Variants in ZBTB20 observed in about 807,000 individuals in gnomAD.
ZBTB20 encodes the protein zinc finger and BTB domain containing 20, also known as zinc finger and BTB domain-containing protein 20.
Under a neutral mutation model 56.9 loss-of-function variants are expected in ZBTB20, and 9 were observed. The observed-to-expected ratio is 0.16, with a 90% CI of 0.10 to 0.28. The LOEUF (loss-of-function observed/expected upper bound fraction) is 0.28. Ranked by LOEUF, ZBTB20 falls within the 10% of genes least tolerant of loss-of-function variation. The pLI is 1.00. For synonymous variants in ZBTB20, 417 were observed against 420.7 expected (o/e 0.99, Z 0.11); for missense variants, 655 against 1,003.0 (o/e 0.65, Z 4.69).
In ZBTB20 at chr3:114,320,280, C is replaced by T. The variant is rs1473450279; in HGVS notation, c.*18725G>A. 1 of 151,852 alleles carries T rather than the reference C, an allele frequency of 6.6e-6. No individual in the cohort carries two copies. The highest frequency in any genetic ancestry group is 1.5e-5 in the Non-Finnish European group (1 of 67,994). 9.4% of individuals were successfully genotyped at this position (151,852 alleles called of 1,614,324 possible). A position where few individuals can be genotyped will look rare whatever the true frequency, so the allele number is the denominator to read the frequency against. ...TTTGTTTTGTTTCTGATTTTTTAAACAGTGAAATATGTCCAATTTTATTTC... is the reference window on the plus strand; with the variant it reads ...TTTGTTTTGTTTCTGATTTTTTAAATAGTGAAATATGTCCAATTTTATTTC... On this transcript the variant is annotated 3_prime_UTR_variant, in exon 12 of 12. Transcript: ENST00000675478.
chr3:114,823,370 A>G (rs1241629788), intron 4 of ZBTB20, among the ~76,000 whole-genome samples: 1 of 152,114 alleles, frequency 6.6e-6, no homozygotes, highest in Non-Finnish European at 1.5e-5. Context: ...AAAGGACTTC[A>G]GCATTATCAT....
chr3:114,433,630 T>C (rs1296542653), intron 7 of ZBTB20, among the ~76,000 whole-genome samples: 1 of 152,190 alleles, frequency 6.6e-6, no homozygotes, highest in Admixed American at 6.5e-5. Context: ...TGATGGCACA[T>C]TCTAGGTGTT....
intron 2 of ZBTB20, among the ~76,000 whole-genome samples, chr3:115,001,374 T>C (rs1387782480): frequency 6.6e-6 from 1 of 151,376 alleles, no homozygotes; most frequent in Non-Finnish European, 1.5e-5. Context: ...TTAATACACA[T>C]TCCAGAATAA....
At chr3:114,839,459 GAA>G (rs1236078125) in intron 4 of ZBTB20, among the ~76,000 whole-genome samples, 44 of 151,160 alleles carry the variant, frequency 2.9e-4, no homozygotes, top group African/African-American at 9.5e-4. Flanking sequence ...AAGAAAGAAA[GAA>G]AGAAAGAGAG....
intron 6 of ZBTB20, among the ~76,000 whole-genome samples, chr3:114,677,522 G>A (rs1316024995): frequency 6.6e-6 from 1 of 152,136 alleles, no homozygotes; most frequent in African/African-American, 2.4e-5. Context: ...AGAATCTAAT[G>A]CCTGATGATC....
In ZBTB20 at chr3:114,401,582, A is replaced by G. The variant is rs548337251; in HGVS notation, c.-254-12477T>C. Among the ~76,000 whole-genome samples the G allele has an allele frequency of 1.3e-5, 2 of 152,290 alleles. 1 individual carries two copies. Among genetic ancestry groups the G allele is most frequent in the South Asian group, 4.1e-4 (2 of 4,828 alleles). On this transcript the variant is annotated intron_variant, in intron 7 of 11. Transcript: ENST00000675478. ...ACATGGCTGCAGTGTTCCACCATGC[A>G]GACTATGTAATGTCAGGCACTTTTG...
rs2079249069 is a variant in ZBTB20 at position 114,331,385 on chromosome 3, T to G, written c.*7620A>C. 6.6e-6 allele frequency: 1 copy of G among 152,258 alleles called. No individual in the cohort carries two copies. The highest frequency in any genetic ancestry group is 2.1e-4 in the South Asian group (1 of 4,824). 9.4% of individuals were successfully genotyped at this position (152,258 alleles called of 1,614,324 possible). On this transcript the variant is annotated 3_prime_UTR_variant, in exon 12 of 12. Coordinates refer to ENST00000675478, the MANE Select transcript of ZBTB20 (RefSeq NM_001348800.3). ...TGCTGTGGATTCAACAAGCTGCATT[T>G]GTTTCTCCCAATTCTGAAACATTAC...
intron 4 of ZBTB20, among the ~76,000 whole-genome samples, chr3:114,821,987 C>T (rs957689212): frequency 4.6e-5 from 7 of 151,888 alleles, no homozygotes; most frequent in African/African-American, 1.7e-4. Context: ...AAAAGTAAAA[C>T]TGGGGCTATT....
chr3:115,017,194 T>C (rs961902968), intron 2 of ZBTB20, among the ~76,000 whole-genome samples: 13 of 151,406 alleles, frequency 8.6e-5, no homozygotes, highest in Admixed American at 7.9e-4. Flanking sequence ...TCAGGATACA[T>C]AATCAATGTG....
chr3:114,511,812 A>T (rs553470635), intron 6 of ZBTB20, among the ~76,000 whole-genome samples: 1 of 152,180 alleles, frequency 6.6e-6, no homozygotes, highest in East Asian at 1.9e-4. Flanking sequence ...GGGTAAATTG[A>T]TGGATAAAAC....
At chr3:115,003,956 A>G (rs1163408657) in intron 2 of ZBTB20, among the ~76,000 whole-genome samples, 2 of 151,712 alleles carry the variant, frequency 1.3e-5, no homozygotes, top group East Asian at 1.9e-4. Context: ...TTGTCAGAAC[A>G]AAAGGATTCA....
intron 4 of ZBTB20, among the ~76,000 whole-genome samples, chr3:114,851,679 AT>A (rs1280051524): frequency 1.3e-5 from 2 of 151,666 alleles, no homozygotes; most frequent in African/African-American, 4.8e-5. Context: ...TTCTGACTTT[AT>A]TTTTTTAATC....
intron 11 of ZBTB20, among the ~76,000 whole-genome samples, chr3:114,349,877 C>T (rs952694017): frequency 5.9e-5 from 9 of 152,158 alleles, no homozygotes; most frequent in African/African-American, 2.2e-4. Flanking sequence ...TTTTCCAAGG[C>T]GACAAGGTTT....
At chr3:115,025,279 G>A (rs775634784) in intron 2 of ZBTB20, among the ~76,000 whole-genome samples, 10 of 151,366 alleles carry the variant, frequency 6.6e-5, no homozygotes, top group Admixed American at 2.6e-4. Flanking sequence ...GAACACGATC[G>A]CATTCTTTTT....
At chr3:114,478,507 T>A (rs1488175249) in intron 7 of ZBTB20, among the ~76,000 whole-genome samples, 1 of 152,246 alleles carries the variant, frequency 6.6e-6, no homozygotes, top group Non-Finnish European at 1.5e-5. Context: ...GAAAAACTAA[T>A]AGCTATCATG....
chr3:114,435,304 G>T (rs1461837411), intron 7 of ZBTB20, among the ~76,000 whole-genome samples: 4 of 152,022 alleles, frequency 2.6e-5, no homozygotes, highest in African/African-American at 9.7e-5. Flanking sequence ...CTGAACACCT[G>T]GTACACGTTT....
intron 4 of ZBTB20, among the ~76,000 whole-genome samples, chr3:114,840,624 C>T (rs2074341736): frequency 6.6e-6 from 1 of 152,146 alleles, no homozygotes; most frequent in Non-Finnish European, 1.5e-5. Flanking sequence ...ATTGTGATCA[C>T]AGAATTCTCC....
intron 3 of ZBTB20, among the ~76,000 whole-genome samples, chr3:114,931,655 C>G (rs562320427): frequency 6.6e-6 from 1 of 151,996 alleles, no homozygotes; most frequent in African/African-American, 2.4e-5. Flanking sequence ...TACCTACAGA[C>G]ATGTCTTTTT....
chr3:114,501,608 A>G (rs1218293373), intron 6 of ZBTB20, among the ~76,000 whole-genome samples: 2 of 147,458 alleles, frequency 1.4e-5, no homozygotes, highest in African/African-American at 2.5e-5. Context: ...CCTGGGTGAC[A>G]AGAGCAAAAC....
Sources: gnomAD v4.1 joint callset for allele counts (sites outside exome capture counted in the v4.1 genomes callset) on GRCh38, gnomAD v4.1.1 for gene constraint, MANE v1.5 for transcripts, NCBI Gene and HGNC (gene_info 2026-07-23, HGNC 2026-07-21) for gene names.